Variants in CORO2B observed in about 807,000 individuals in gnomAD.
The protein encoded by CORO2B is coronin-2B.
Under a neutral mutation model 58.8 loss-of-function variants are expected in CORO2B, and 26 were observed. The ratio of observed to expected loss-of-function variants is 0.44; its 90% CI spans 0.32 to 0.61. The LOEUF is 0.61. CORO2B is among the 20% of genes least tolerant of loss of function. The pLI is 0.04. For missense variants in CORO2B, 460 were observed against 645.1 expected (o/e 0.71, Z 3.11); for synonymous variants, 242 against 253.8 (o/e 0.95, Z 0.44).
At chr15:68,561,052 G>T in the CORO2B span, among the ~76,000 whole-genome samples, 4 of 152,150 alleles carry the variant, frequency 2.6e-5, no homozygotes, top group African/African-American at 9.7e-5. Context: ...GAGCTCTGGT[G>T]GTTGTTGAGG....
intron 1 of CORO2B, among the ~76,000 whole-genome samples, chr15:68,584,240 T>G (rs768798851): frequency 6.6e-6 from 1 of 152,226 alleles, no homozygotes; most frequent in Non-Finnish European, 1.5e-5. Context: ...CCTTCCTTAC[T>G]GTCTCTCCCT....
At chr15:68,692,880 C>T (rs1163757408) in intron 2 of CORO2B, among the ~76,000 whole-genome samples, 1 of 151,836 alleles carries the variant, frequency 6.6e-6, no homozygotes, top group Non-Finnish European at 1.5e-5. Flanking sequence ...GTGATCCACC[C>T]GTCTCAGCCT....
intron 11 of CORO2B, among the ~76,000 whole-genome samples, chr15:68,722,643 A>C (rs1424500428): frequency 6.6e-6 from 1 of 152,264 alleles, no homozygotes; most frequent in Non-Finnish European, 1.5e-5. Context: ...TGGAAGACGC[A>C]AGAGTGTGTA....
the CORO2B span, among the ~76,000 whole-genome samples, chr15:68,573,248 C>T: frequency 2.0e-5 from 3 of 151,750 alleles, no homozygotes; most frequent in East Asian, 3.9e-4. Context: ...ACAGAGGCCA[C>T]GGAGAAAAGG....
chr15:68,600,037 G>A (rs1029903846), intron 1 of CORO2B, among the ~76,000 whole-genome samples: 1 of 152,186 alleles, frequency 6.6e-6, no homozygotes, highest in Middle Eastern at 3.2e-3. Flanking sequence ...GGCTGGCAGA[G>A]GGAGTAGAGA....
chr15:68,534,428 T>C, the CORO2B span, among the ~76,000 whole-genome samples: 5 of 152,236 alleles, frequency 3.3e-5, no homozygotes, highest in African/African-American at 1.2e-4. Context: ...CCTAAACATC[T>C]TCATAGTGTT....
chr15:68,695,618 T>C (rs1204991750), intron 3 of CORO2B, among the ~76,000 whole-genome samples: 1 of 152,140 alleles, frequency 6.6e-6, no homozygotes, highest in Non-Finnish European at 1.5e-5. Context: ...AGGAACTGGA[T>C]GGGCATGAGG....
intron 3 of CORO2B, among the ~76,000 whole-genome samples, chr15:68,696,788 G>A (rs1380120909): frequency 6.6e-6 from 1 of 152,178 alleles, no homozygotes; most frequent in East Asian, 1.9e-4. Context: ...CTGGTGAGGA[G>A]GGCCTGGTGT....
At chr15:68,648,820 A>C (rs889597816) in intron 2 of CORO2B, among the ~76,000 whole-genome samples, 25 of 152,154 alleles carry the variant, frequency 1.6e-4, no homozygotes, top group African/African-American at 6.0e-4. Context: ...GCTCAAATAC[A>C]CTCTTCGTAA....
intron 2 of CORO2B, among the ~76,000 whole-genome samples, chr15:68,669,203 C>A (rs1394587012): frequency 1.3e-5 from 2 of 152,072 alleles, no homozygotes; most frequent in South Asian, 2.1e-4. Flanking sequence ...AGCAAGCAAG[C>A]AAGCAAGCCG....
the CORO2B span, among the ~76,000 whole-genome samples, chr15:68,572,512 T>C: frequency 6.6e-6 from 1 of 152,130 alleles, no homozygotes; most frequent in Non-Finnish European, 1.5e-5. Flanking sequence ...TTTGCATGAT[T>C]TATCTGACAG....
chr15:68,704,039 T>C (rs28730429), intron 3 of CORO2B, among the ~76,000 whole-genome samples: 133 of 128,152 alleles, frequency 1.0e-3, no homozygotes, highest in African/African-American at 3.3e-3. Flanking sequence ...TACACACACA[T>C]ACACACACAC....
At chr15:68,520,275 A>G in the CORO2B span, among the ~76,000 whole-genome samples, 2 of 152,318 alleles carry the variant, frequency 1.3e-5, no homozygotes, top group Admixed American at 6.5e-5. Context: ...TGTGTATGCA[A>G]TTAGGTGAAT....
At chr15:68,602,116 C>T (rs1158186469) in intron 1 of CORO2B, among the ~76,000 whole-genome samples, 2 of 151,798 alleles carry the variant, frequency 1.3e-5, no homozygotes, top group Non-Finnish European at 2.9e-5. Flanking sequence ...ATCACATTGG[C>T]ACCGTCTGAG....
intron 1 of CORO2B, among the ~76,000 whole-genome samples, chr15:68,627,292 A>G (rs764420828): frequency 1.3e-5 from 2 of 152,212 alleles, no homozygotes; most frequent in Non-Finnish European, 2.9e-5. Context: ...CCAACCATCA[A>G]GGAGTTTGGA....
At chr15:68,566,798 G>A in the CORO2B span, among the ~76,000 whole-genome samples, 24 of 152,180 alleles carry the variant, frequency 1.6e-4, no homozygotes, top group African/African-American at 5.6e-4. Context: ...GGGTTATGGA[G>A]GCCCAGGGAT....
chr15:68,688,017 T>C (rs1478755966), intron 2 of CORO2B, among the ~76,000 whole-genome samples: 1 of 152,204 alleles, frequency 6.6e-6, no homozygotes, highest in East Asian at 1.9e-4. Flanking sequence ...CTCCAGACCA[T>C]CCATTGGTAA....
At chr15:68,653,538 C>A (rs149669399) in intron 2 of CORO2B, among the ~76,000 whole-genome samples, 1 of 152,140 alleles carries the variant, frequency 6.6e-6, no homozygotes, top group Non-Finnish European at 1.5e-5. Flanking sequence ...GAATGCAGCA[C>A]CATACAGGGG....
chr15:68,543,499 T>G, the CORO2B span, among the ~76,000 whole-genome samples: 1 of 152,022 alleles, frequency 6.6e-6, no homozygotes, highest in Non-Finnish European at 1.5e-5. Context: ...GGCTGGTGGA[T>G]CCCCAATCCC....
Sources: gnomAD v4.1 joint callset for allele counts (sites outside exome capture counted in the v4.1 genomes callset) on GRCh38, gnomAD v4.1.1 for gene constraint, MANE v1.5 for transcripts, NCBI Gene and HGNC (gene_info 2026-07-23, HGNC 2026-07-21) for gene names.